The following PCDHGA6 variants were observed in gnomAD, a reference collection of about 807,000 sequenced individuals.
PCDHGA6 encodes protocadherin gamma-A6.
In PCDHGA6, 41 loss-of-function variants were observed where a neutral mutation model predicts 60.6. That is an observed-to-expected ratio of 0.68 (90% CI 0.53 to 0.88). PCDHGA6 has a LOEUF of 0.88. Among genes scored for constraint, PCDHGA6 ranks in the 40% least tolerant of loss-of-function variants. The probability of loss-of-function intolerance (pLI) is 0.00; values close to 1 mark genes in which losing one functional copy is unlikely to be tolerated. For synonymous variants in PCDHGA6, 594 were observed against 524.4 expected, an observed-to-expected ratio of 1.13 and a Z score of -1.81; for missense variants, 1,312 against 1,203.0, an observed-to-expected ratio of 1.09 and a Z score of -1.34.
In PCDHGA6 at chr5:141,422,312, C is replaced by T; in HGVS notation, c.2424+45805C>T. On this transcript the variant is annotated intron_variant, in intron 1 of 3. Coordinates refer to ENST00000517434, the MANE Select transcript of PCDHGA6 (RefSeq NM_018919.3). ...ATTAATTCAATTCTGGAAAACTCTC[C>T]TCCAGGTACAGTGATTGCTCTTCTA... The T allele has an allele frequency of 1.9e-6, 3 of 1,547,444 alleles. No individual in the cohort carries two copies. Among genetic ancestry groups the T allele is most frequent in the Non-Finnish European group, 1.7e-6 (2 of 1,153,976 alleles).
rs759272109 is a variant in PCDHGA6, at chr5:141,420,170, G to A, written c.2424+43663G>A. ...TCCAGAATTTAATTTTTTCACATCTGTTGATCATTGTCCAGCCACACAAGA... is the reference window on the plus strand; with the variant it reads ...TCCAGAATTTAATTTTTTCACATCTATTGATCATTGTCCAGCCACACAAGA... On this transcript the variant is annotated intron_variant, in intron 1 of 3. Coordinates refer to ENST00000517434, the MANE Select transcript of PCDHGA6 (RefSeq NM_018919.3). 22 of 1,613,846 alleles carry A rather than the reference G, an allele frequency of 1.4e-5. No homozygotes were observed. Among genetic ancestry groups the A allele is most frequent in the Non-Finnish European group, 1.8e-5 (21 of 1,179,888 alleles).
At chr5:141,474,419 A>AT (rs1348108901) in intron 1 of PCDHGA6, among the ~76,000 whole-genome samples, 1 of 152,204 alleles carries the variant, frequency 6.6e-6, no homozygotes, top group Non-Finnish European at 1.5e-5. Context: ...TGCCTAGACC[A>AT]TTGGTCCTCA....
rs200317374 is a variant in PCDHGA6 at position 141,408,395 on chromosome 5, A to G, written c.2424+31888A>G. On this transcript the variant is annotated intron_variant, in intron 1 of 3. Coordinates refer to ENST00000517434, the MANE Select transcript of PCDHGA6 (RefSeq NM_018919.3). ...CAGTGTCCTGGATGTGTCGGCTCGC[A>G]AGCTGCGAGTGAGCGCGGAGAAGCT... 8.8e-3 allele frequency: 14,159 copies of G among 1,613,888 alleles called. 310 individuals are homozygous for G. Among genetic ancestry groups the G allele is most frequent in the South Asian group, 0.064 (5,857 of 91,072 alleles).
In PCDHGA6 at chr5:141,490,442, A is replaced by T. The variant is rs757900187; in HGVS notation, c.2425-4365A>T. On this transcript the variant is annotated intron_variant, in intron 1 of 3. Transcript: ENST00000517434. The surrounding 1 kb of genome is among the most constrained non-coding windows in gnomAD (Gnocchi z 5.4). ...CTGCCATTTCAGATTAAGCCTTCTG[A>T]GAACCACTACTCGCTGCTAACCAGC... 16 of 1,614,092 alleles carry T rather than the reference A, an allele frequency of 9.9e-6. No individual in the cohort carries two copies. Among genetic ancestry groups the T allele is most frequent in the Non-Finnish European group, 1.2e-5 (14 of 1,180,044 alleles).
intron 1 of PCDHGA6, chr5:141,413,590 G>A (rs759901330): frequency 1.2e-6 from 2 of 1,613,886 alleles, no homozygotes; most frequent in Non-Finnish European, 1.7e-6. Flanking sequence ...AAAATTCCAA[G>A]CAGAAAATCT....
chr5:141,422,973 T>G (rs1157516415), intron 1 of PCDHGA6: 1 of 1,614,102 alleles, frequency 6.2e-7, no homozygotes, highest in Non-Finnish European at 8.5e-7. Flanking sequence ...CGCCCCGCTC[T>G]GCGGAACCTG....
intron 1 of PCDHGA6, chr5:141,398,897 C>G (rs761364649): frequency 2.1e-5 from 34 of 1,613,932 alleles, no homozygotes; most frequent in Non-Finnish European, 2.8e-5. Context: ...AACGTGCCAC[C>G]AGGCACCACT....
At chr5:141,413,333 C>T in intron 1 of PCDHGA6, 1 of 1,613,966 alleles carries the variant, frequency 6.2e-7, no homozygotes, top group Non-Finnish European at 8.5e-7. Context: ...GGCAACATCT[C>T]CAAGGACTTG....
intron 1 of PCDHGA6, chr5:141,399,082 G>A: frequency 6.2e-7 from 1 of 1,613,822 alleles, no homozygotes; most frequent in East Asian, 2.2e-5. Flanking sequence ...AGAAGGGAGG[G>A]ATGGTGGTGG....
rs562872139 is a variant in PCDHGA6 at position 141,408,923 on chromosome 5, G to A, written c.2424+32416G>A. The A allele has an allele frequency of 5.6e-6, 9 of 1,613,488 alleles. No individual in the cohort carries two copies. The African/African-American group carries it at 1.1e-4, about 19-fold the overall frequency. ...CAAGGATACCAATGATAACCCCCCG[G>A]TTTTCAGCAGAGACGAATATAGAAT... On this transcript the variant is annotated intron_variant, in intron 1 of 3. Coordinates refer to ENST00000517434, the MANE Select transcript of PCDHGA6 (RefSeq NM_018919.3).
intron 1 of PCDHGA6, among the ~76,000 whole-genome samples, chr5:141,459,494 G>C (rs1454297107): frequency 2.0e-5 from 3 of 152,200 alleles, no homozygotes; most frequent in African/African-American, 7.2e-5. Context: ...CTGAATTAAA[G>C]TGATGTGAAC....
chr5:141,384,060 A>T (rs1453253478), intron 1 of PCDHGA6: 1 of 1,609,266 alleles, frequency 6.2e-7, no homozygotes, highest in South Asian at 1.1e-5. Context: ...GCACCATTCC[A>T]GAAAACCTAC....
chr5:141,383,930 C>T lies in PCDHGA6; in HGVS notation c.2424+7423C>T. 7 of 1,613,800 alleles carry T rather than the reference C, an allele frequency of 4.3e-6. No homozygotes were observed. Among genetic ancestry groups the T allele is most frequent in the Non-Finnish European group, 5.9e-6 (7 of 1,179,786 alleles). ...ACAGTTTTAGATGTAAATGATAATG[C>T]TCCAGAAGTGACTATGACGTCTTTA... On this transcript the variant is annotated intron_variant, in intron 1 of 3. Coordinates refer to ENST00000517434, the MANE Select transcript of PCDHGA6 (RefSeq NM_018919.3).
chr5:141,375,068 G>A lies in PCDHGA6; in HGVS notation c.985G>A (p.Asp329Asn). ...VEARDGPGLR[D>N]RAKVLITILD... ...AGCCCGGGATGGGCCAGGTCTTCGA[G>A]ACAGAGCGAAAGTCTTAATAACTAT... The change falls in exon 1 of 4, where the codon GAC (aspartate) becomes AAC (asparagine). Residue 329 changes from aspartate (D) to asparagine (N), a missense_variant. Asp to Asn is a conservative substitution (Grantham distance 23, BLOSUM62 1). Transcript: ENST00000517434. The A allele has an allele frequency of 6.2e-7, 1 of 1,614,016 alleles. No homozygotes were observed. Among genetic ancestry groups the A allele is most frequent in the Non-Finnish European group, 8.5e-7 (1 of 1,179,898 alleles).
At chr5:141,418,646 A>C (rs986717136) in intron 1 of PCDHGA6, 2 of 1,614,010 alleles carry the variant, frequency 1.2e-6, no homozygotes, top group Admixed American at 3.3e-5. Context: ...CTCCATCCTG[A>C]GAGTGAAGGC....
chr5:141,468,860 C>A (rs941902317), intron 1 of PCDHGA6, among the ~76,000 whole-genome samples: 16 of 151,980 alleles, frequency 1.1e-4, no homozygotes, highest in Admixed American at 4.6e-4. Context: ...AGCGAGACTC[C>A]ATCTCAAAAA....
Position 141,419,305 on chromosome 5 carries a change from G to A in PCDHGA6, c.2424+42798G>A, listed in dbSNP as rs778360128. ...TCAGTGCCTCTGACCCAGACTTCGGGCTCAACGGCCGTGTCTCCTACTCTC... is the reference window on the plus strand; with the variant it reads ...TCAGTGCCTCTGACCCAGACTTCGGACTCAACGGCCGTGTCTCCTACTCTC... On this transcript the variant is annotated intron_variant, in intron 1 of 3. Transcript: ENST00000517434. The A allele has an allele frequency of 3.1e-6, 5 of 1,613,906 alleles. No individual in the cohort carries two copies. The East Asian group carries it at 1.1e-4, about 36-fold the overall frequency.
intron 1 of PCDHGA6, among the ~76,000 whole-genome samples, chr5:141,454,120 T>C (rs956675583): frequency 6.6e-5 from 10 of 152,228 alleles, no homozygotes; most frequent in African/African-American, 2.4e-4. Context: ...ATAGAAGAAA[T>C]AGCTGACCAT....
Position 141,419,737 on chromosome 5 carries a change from G to A in PCDHGA6, c.2424+43230G>A, listed in dbSNP as rs201663350. 29 of 1,613,836 alleles carry A rather than the reference G, an allele frequency of 1.8e-5. No individual in the cohort carries two copies. In the African/African-American group the frequency reaches 3.6e-4, roughly 20 times the overall value. ...GCCTGGGGCTGCGAACAGGCGAGGTGCGCATGGTGCGTGCTTTGGGTGACA... is the reference window on the plus strand; with the variant it reads ...GCCTGGGGCTGCGAACAGGCGAGGTACGCATGGTGCGTGCTTTGGGTGACA... On this transcript the variant is annotated intron_variant, in intron 1 of 3. Transcript: ENST00000517434.
Sources: gnomAD v4.1 joint callset for allele counts (sites outside exome capture counted in the v4.1 genomes callset) on GRCh38, gnomAD v4.1.1 for gene constraint, Gnocchi (gnomAD v3.1) non-coding constraint, MANE v1.5 for transcripts, NCBI Gene and HGNC (gene_info 2026-07-23, HGNC 2026-07-21) for gene names.